Variants in PDE1A observed in about 807,000 individuals in gnomAD.
The protein encoded by PDE1A is dual specificity calcium/calmodulin-dependent 3',5'-cyclic nucleotide phosphodiesterase 1A.
PDE1A carries 35 observed loss-of-function variants against 61.7 expected under a neutral mutation model. That is an observed-to-expected ratio of 0.57 (90% CI 0.43 to 0.75). The LOEUF (loss-of-function observed/expected upper bound fraction) is 0.75. Ranked by LOEUF, PDE1A falls within the 30% of genes least tolerant of loss-of-function variation. The pLI, the probability that PDE1A is intolerant of heterozygous loss-of-function variation, is 0.00. For missense variants in PDE1A, 597 were observed against 630.6 expected, an observed-to-expected ratio of 0.95 and a Z score of 0.57; for synonymous variants, 232 against 213.2, an observed-to-expected ratio of 1.09 and a Z score of -0.77.
chr2:182,326,809 T>A (rs1196083206), intron 1 of PDE1A, among the ~76,000 whole-genome samples: 1 of 152,148 alleles, frequency 6.6e-6, no homozygotes, highest in Non-Finnish European at 1.5e-5. Flanking sequence ...AAAGTCCATG[T>A]GGGGATTAGG....
the PDE1A span, among the ~76,000 whole-genome samples, chr2:182,638,818 T>G: frequency 6.6e-6 from 1 of 152,180 alleles, no homozygotes; most frequent in Non-Finnish European, 1.5e-5. Context: ...ATGATAAAAC[T>G]ATCACCTTTC....
At chr2:182,707,512 T>C in the PDE1A span, among the ~76,000 whole-genome samples, 2 of 152,176 alleles carry the variant, frequency 1.3e-5, no homozygotes, top group Non-Finnish European at 2.9e-5. Flanking sequence ...AACAATTTTA[T>C]AGTAATAAAT....
At chr2:182,527,315 A>T (rs1690787000), upstream of PDE1A, among the ~76,000 whole-genome samples, 2 of 50,864 alleles carry the variant, frequency 3.9e-5, no homozygotes, top group African/African-American at 1.8e-4. Context: ...AAAAAAAAAA[A>T]AAAAAAAAAA....
At chr2:182,667,892 GC>G in the PDE1A span, among the ~76,000 whole-genome samples, 3 of 152,152 alleles carry the variant, frequency 2.0e-5, no homozygotes, top group Admixed American at 1.3e-4. Context: ...TTTATTAGAA[GC>G]CATAGTGTAA....
intron 13 of PDE1A, among the ~76,000 whole-genome samples, chr2:182,170,239 A>G (rs1416699156): frequency 3.9e-5 from 6 of 152,066 alleles, no homozygotes; most frequent in Admixed American, 6.6e-5. Context: ...TCTCTGAGTG[A>G]GCTTCACTTT....
At chr2:182,416,029 C>T (rs1048626539) in intron 1 of PDE1A, among the ~76,000 whole-genome samples, 9 of 152,202 alleles carry the variant, frequency 5.9e-5, no homozygotes, top group African/African-American at 2.2e-4. Context: ...TGTCAGTGTC[C>T]CGTGTCTCTT....
the PDE1A span, among the ~76,000 whole-genome samples, chr2:182,710,187 A>G: frequency 2.0e-5 from 3 of 152,166 alleles, no homozygotes; most frequent in South Asian, 2.1e-4. Flanking sequence ...GAGCCACTGC[A>G]CCTGGCCCAT....
downstream of PDE1A, among the ~76,000 whole-genome samples, chr2:182,146,282 G>C (rs1690490739): frequency 6.6e-6 from 1 of 152,086 alleles, no homozygotes; most frequent in South Asian, 2.1e-4. Flanking sequence ...TTTTTAAAAA[G>C]AGAACCATAG....
intron 1 of PDE1A, among the ~76,000 whole-genome samples, chr2:182,277,638 C>A (rs895844881): frequency 6.6e-6 from 1 of 151,960 alleles, no homozygotes; most frequent in Admixed American, 6.6e-5. Context: ...TAAACAACAA[C>A]AAAAAATTGC....
intron 1 of PDE1A, among the ~76,000 whole-genome samples, chr2:182,322,827 T>C (rs1255005037): frequency 6.6e-6 from 1 of 152,140 alleles, no homozygotes; most frequent in Non-Finnish European, 1.5e-5. Flanking sequence ...AAATAAATGA[T>C]AAAGTAGATA....
intron 10 of PDE1A, among the ~76,000 whole-genome samples, chr2:182,199,709 T>C (rs1332417473): frequency 6.6e-6 from 1 of 152,080 alleles, no homozygotes; most frequent in Non-Finnish European, 1.5e-5. Flanking sequence ...GTTTTTACAT[T>C]TAGTGTATTT....
chr2:182,563,748 G>A, the PDE1A span, among the ~76,000 whole-genome samples: 1 of 152,104 alleles, frequency 6.6e-6, no homozygotes, highest in Non-Finnish European at 1.5e-5. Context: ...TCCTGTATTG[G>A]GTGCATATAT....
At chr2:182,453,431 C>A (rs1035976452) in intron 2 of PDE1A, among the ~76,000 whole-genome samples, 1 of 150,996 alleles carries the variant, frequency 6.6e-6, no homozygotes, top group Non-Finnish European at 1.5e-5. Context: ...TGAACTTCTT[C>A]ATTAAAAAAA....
At chr2:182,332,411 TC>T (rs1366865737) in intron 1 of PDE1A, among the ~76,000 whole-genome samples, 1 of 152,198 alleles carries the variant, frequency 6.6e-6, no homozygotes, top group East Asian at 1.9e-4. Flanking sequence ...GGAGTTGTAA[TC>T]CTTTGGAGGA....
At chr2:182,312,601 A>G (rs186416370) in intron 1 of PDE1A, among the ~76,000 whole-genome samples, 5 of 152,292 alleles carry the variant, frequency 3.3e-5, no homozygotes, top group Non-Finnish European at 5.9e-5. Flanking sequence ...CTCTGTGTAA[A>G]AAATAGATTG....
the PDE1A span, among the ~76,000 whole-genome samples, chr2:182,679,185 A>G: frequency 7.1e-6 from 1 of 140,970 alleles, no homozygotes; most frequent in East Asian, 2.0e-4. Context: ...TATTATTATT[A>G]TTATTATTTT....
intron 1 of PDE1A, among the ~76,000 whole-genome samples, chr2:182,348,464 A>G (rs988354818): frequency 3.3e-5 from 5 of 152,108 alleles, no homozygotes; most frequent in African/African-American, 1.2e-4. Context: ...ATCACCTAAC[A>G]GGAAGGCCAT....
In PDE1A at chr2:182,241,226, C is replaced by T. The variant is rs144059076; in HGVS notation, c.168-934G>A. On this transcript the variant is annotated intron_variant, in intron 2 of 13. Transcript: ENST00000351439. ...GGCTCCCCACCAAATACAGAAACAG[C>T]TTACAGAACAGTTGAACTTTGCCTC... Among the ~76,000 whole-genome samples the T allele has an allele frequency of 3.7e-4, 57 of 152,318 alleles. No homozygotes were observed. The East Asian group carries it at 7.1e-3, about 19-fold the overall frequency.
At chr2:182,483,938 A>G (rs915279549) in intron 2 of PDE1A, among the ~76,000 whole-genome samples, 6 of 151,814 alleles carry the variant, frequency 4.0e-5, no homozygotes, top group Admixed American at 3.3e-4. Flanking sequence ...ATCACTATGA[A>G]TTCTTCAGAA....
Sources: gnomAD v4.1 joint callset for allele counts (sites outside exome capture counted in the v4.1 genomes callset) on GRCh38, gnomAD v4.1.1 for gene constraint, MANE v1.5 for transcripts, NCBI Gene and HGNC (gene_info 2026-07-23, HGNC 2026-07-21) for gene names.